CEP128: variants seen among roughly 807,000 people sequenced by gnomAD.
CEP128 encodes centrosomal protein 128, also known as centrosomal protein 128kDa.
CEP128 carries 132 observed loss-of-function variants against 156.7 expected under a neutral mutation model. The observed-to-expected ratio is 0.84, with a 90% CI of 0.73 to 0.97. The LOEUF is 0.97. Among genes scored for constraint, CEP128 ranks in the 50% least tolerant of loss-of-function variants. The pLI, the probability that CEP128 is intolerant of heterozygous loss-of-function variation, is 0.00. For synonymous variants in CEP128, 469 were observed against 448.9 expected, an observed-to-expected ratio of 1.04 and a Z score of -0.57; for missense variants, 1,252 against 1,281.9, an observed-to-expected ratio of 0.98 and a Z score of 0.36.
intron 23 of CEP128, among the ~76,000 whole-genome samples, chr14:80,519,216 T>C (rs988908116): frequency 1.3e-5 from 2 of 152,240 alleles, no homozygotes; most frequent in African/African-American, 4.8e-5. Flanking sequence ...AAAGTTCCAC[T>C]GGGTGAAGGG....
intron 21 of CEP128, among the ~76,000 whole-genome samples, chr14:80,538,315 T>C (rs1232713580): frequency 2.6e-5 from 4 of 152,154 alleles, no homozygotes; most frequent in Non-Finnish European, 5.9e-5. Context: ...CATTTAGAAA[T>C]GCATTTACTA....
At chr14:80,791,238 G>A (rs909016830) in intron 14 of CEP128, among the ~76,000 whole-genome samples, 2 of 151,926 alleles carry the variant, frequency 1.3e-5, no homozygotes, top group African/African-American at 4.8e-5. Flanking sequence ...AATTTTTAAG[G>A]CTTTTAAAGG....
Position 80,847,052 on chromosome 14 carries a change from G to A in CEP128, c.763-6284C>T, listed in dbSNP as rs187843899. Reference sequence around the variant, plus strand: ...GCTTGCTCTGTAAATGGAAATTCAAGTATCAAGTACAAGGTTGAAAGAGAC... The same window carrying A: ...GCTTGCTCTGTAAATGGAAATTCAAATATCAAGTACAAGGTTGAAAGAGAC... On this transcript the variant is annotated intron_variant, in intron 9 of 24. Coordinates refer to ENST00000555265, the MANE Select transcript of CEP128 (RefSeq NM_152446.5). 3.0e-4 allele frequency among the ~76,000 whole-genome samples: 46 copies of A among 152,198 alleles called. No individual in the cohort carries two copies. In the East Asian group the frequency reaches 6.4e-3, roughly 21 times the overall value.
At chr14:80,832,737 C>A (rs189921351) in intron 12 of CEP128, among the ~76,000 whole-genome samples, 2 of 152,188 alleles carry the variant, frequency 1.3e-5, no homozygotes, top group African/African-American at 4.8e-5. Flanking sequence ...CATACAGGTA[C>A]AAAACTGAAT....
At chr14:80,553,716 A>G (rs1464941006) in intron 21 of CEP128, among the ~76,000 whole-genome samples, 1 of 152,142 alleles carries the variant, frequency 6.6e-6, no homozygotes, top group Non-Finnish European at 1.5e-5. Flanking sequence ...TATAGTTTTA[A>G]TTACATTTTC....
intron 19 of CEP128, 81 bp from the exon 20 acceptor site, chr14:80,580,504 T>A: frequency 1.2e-6 from 1 of 808,836 alleles, no homozygotes; most frequent in Non-Finnish European, 2.1e-6. Context: ...ATTCAGCCAG[T>A]AGCTTGTATA....
chr14:80,506,781 C>T (rs1214714045), intron 23 of CEP128, among the ~76,000 whole-genome samples: 2 of 152,080 alleles, frequency 1.3e-5, no homozygotes, highest in African/African-American at 4.8e-5. Flanking sequence ...ATATTTTGAG[C>T]CAAAGGCACG....
chr14:80,667,204 G>C (rs1895651810), intron 19 of CEP128, among the ~76,000 whole-genome samples: 1 of 152,194 alleles, frequency 6.6e-6, no homozygotes, highest in Non-Finnish European at 1.5e-5. Context: ...CTTCAGGTAA[G>C]GGTACAGACA....
chr14:80,643,581 G>C (rs1323286302), intron 19 of CEP128, among the ~76,000 whole-genome samples: 1 of 152,052 alleles, frequency 6.6e-6, no homozygotes, highest in African/African-American at 2.4e-5. Context: ...GCAGCGGCGA[G>C]CACCTGTAAT....
intron 6 of CEP128, among the ~76,000 whole-genome samples, chr14:80,901,244 A>G (rs1883548227): frequency 6.6e-6 from 1 of 152,052 alleles, no homozygotes; most frequent in Non-Finnish European, 1.5e-5. Context: ...GGGGTATGAT[A>G]ATGCTTTATT....
chr14:80,578,593 T>A (rs1399050237), intron 20 of CEP128, among the ~76,000 whole-genome samples: 1 of 152,146 alleles, frequency 6.6e-6, no homozygotes, highest in Non-Finnish European at 1.5e-5. Context: ...GTTAATTGAG[T>A]TATCCAAGGT....
At chr14:80,495,101 G>T (rs1200151263), downstream of CEP128, among the ~76,000 whole-genome samples, 1 of 152,050 alleles carries the variant, frequency 6.6e-6, no homozygotes, top group African/African-American at 2.4e-5. Flanking sequence ...ATTAAGTATT[G>T]GACCAGGCTT....
At chr14:80,678,037 C>G (rs1211273984) in intron 19 of CEP128, among the ~76,000 whole-genome samples, 1 of 70,334 alleles carries the variant, frequency 1.4e-5, no homozygotes. Flanking sequence ...GACAGTTGCT[C>G]TATAAAAAAA....
chr14:80,834,155 A>G (rs1885954612), intron 12 of CEP128, among the ~76,000 whole-genome samples: 1 of 152,208 alleles, frequency 6.6e-6, no homozygotes, highest in African/African-American at 2.4e-5. Context: ...CTAAGTAACA[A>G]AAGCCATGAG....
intron 2 of CEP128, among the ~76,000 whole-genome samples, chr14:80,930,686 A>G (rs1885410809): frequency 6.6e-6 from 1 of 152,252 alleles, no homozygotes. Flanking sequence ...CCACATGGAG[A>G]CCATGCACAC....
rs77277968 is a variant in CEP128 at position 80,793,337 on chromosome 14, T to C, written c.1210-227A>G. Among the ~76,000 whole-genome samples, 17 of 152,316 alleles carry C rather than the reference T, an allele frequency of 1.1e-4. 1 individual carries two copies. The South Asian group carries it at 3.5e-3, about 32-fold the overall frequency. Reference sequence around the variant, plus strand: ...TTCCCTTTCTTGGACTATTTTATCATCCAAAAAGGGAAAATATGTGTTTCC... The same window carrying C: ...TTCCCTTTCTTGGACTATTTTATCACCCAAAAAGGGAAAATATGTGTTTCC... On this transcript the variant is annotated intron_variant, in intron 13 of 24. Coordinates refer to ENST00000555265, the MANE Select transcript of CEP128 (RefSeq NM_152446.5).
At chr14:80,849,179 T>C (rs186172084) in intron 9 of CEP128, among the ~76,000 whole-genome samples, 1 of 152,132 alleles carries the variant, frequency 6.6e-6, no homozygotes, top group African/African-American at 2.4e-5. Context: ...AGGAAACATA[T>C]AAAGGTTTTA....
intron 3 of CEP128, 115 bp from the exon 4 acceptor site, chr14:80,914,523 A>G: frequency 5.5e-6 from 4 of 730,028 alleles, no homozygotes; most frequent in Non-Finnish European, 2.4e-6. Flanking sequence ...AACTTTTATC[A>G]TGGCTGAGTT....
In CEP128 at chr14:80,838,242, T is replaced by C. The variant is rs372055500; in HGVS notation, c.886A>G (p.Asn296Asp). The C allele has an allele frequency of 6.2e-7, 1 of 1,613,532 alleles. No homozygotes were observed. The highest frequency in any genetic ancestry group is 8.5e-7 in the Non-Finnish European group (1 of 1,179,728). ...QELELSRRLL[N>D]QSEGSRETLL... is the part of the protein sequence containing the mutation. Reference sequence around the variant, plus strand: ...GTTTCTCGGCTGCCTTCTGATTGATTCAATAACCTTCGAGATAGCTCCAAT... The same window carrying C: ...GTTTCTCGGCTGCCTTCTGATTGATCCAATAACCTTCGAGATAGCTCCAAT... Residue 296 changes from asparagine to aspartate, a missense_variant, in exon 11 of 25, where the codon AAT becomes GAT. Transcript: ENST00000555265.
Sources: gnomAD v4.1 joint callset for allele counts (sites outside exome capture counted in the v4.1 genomes callset) on GRCh38, gnomAD v4.1.1 for gene constraint, MANE v1.5 for transcripts, NCBI Gene and HGNC (gene_info 2026-07-23, HGNC 2026-07-21) for gene names.